The following CHCHD6 variants were observed in gnomAD, a reference collection of about 807,000 sequenced individuals.
CHCHD6 encodes coiled-coil-helix-coiled-coil-helix domain containing 6, also known as MICOS complex subunit MIC25.
Under a neutral mutation model 32.3 loss-of-function variants are expected in CHCHD6, and 28 were observed. That is an observed-to-expected ratio of 0.87 (90% CI 0.64 to 1.19). The LOEUF is 1.19. Among genes scored for constraint, CHCHD6 ranks in the 50% most tolerant of loss-of-function variants. The probability of loss-of-function intolerance (pLI) is 0.00; values close to 1 mark genes in which losing one functional copy is unlikely to be tolerated. For synonymous variants in CHCHD6, 122 were observed against 117.5 expected (o/e 1.04, Z -0.25); for missense variants, 333 against 307.0 (o/e 1.08, Z -0.63).
At position 126,879,566 on chromosome 3, in the gene CHCHD6, C is replaced by A. The variant is rs1042590285; in HGVS notation, c.495+26836C>A. 2.6e-5 allele frequency among the ~76,000 whole-genome samples: 4 copies of A among 152,042 alleles called. No individual in the cohort carries two copies. In the South Asian group the frequency reaches 8.3e-4, roughly 32 times the overall value. On this transcript the variant is annotated intron_variant, in intron 5 of 7. Transcript: ENST00000290913. ...CAAAAGTTATCAGTTTCACAAGAGG[C>A]CAGAGAAAGGCTGGGAATGCTTTAG...
chr3:126,778,404 G>A (rs1194396263), intron 4 of CHCHD6, among the ~76,000 whole-genome samples: 1 of 152,204 alleles, frequency 6.6e-6, no homozygotes, highest in South Asian at 2.1e-4. Flanking sequence ...ATGTGTGAGG[G>A]TTCCAGTTTC....
In CHCHD6 at chr3:126,704,351, C is replaced by T. The variant is rs1291970535; in HGVS notation, c.39C>T (p.Ser13=). 1.2e-5 allele frequency: 19 copies of T among 1,597,054 alleles called. No individual in the cohort carries two copies. The highest frequency in any genetic ancestry group is 1.6e-5 in the Non-Finnish European group (19 of 1,173,294). The change falls in exon 1 of 8, where the codon TCC becomes TCT. Residue 13 remains serine (S), a synonymous_variant. Coordinates refer to ENST00000290913, the MANE Select transcript of CHCHD6 (RefSeq NM_032343.3). The part of the protein sequence containing the change: ...STESSEGRRV[S]FGVDEEERVR... ...AGAGCAGCGAGGGCCGCAGGGTGTC[C>T]TTCGGAGTGGACGAGGAGGAGCGGG...
intron 5 of CHCHD6, among the ~76,000 whole-genome samples, chr3:126,862,716 CTCT>C (rs1319146067): frequency 1.3e-5 from 1 of 77,856 alleles, no homozygotes; most frequent in African/African-American, 5.4e-5. Flanking sequence ...CCTCCTCCTC[CTCT>C]ACCATCACCA....
At chr3:126,942,057 A>G (rs764373159) in intron 6 of CHCHD6, among the ~76,000 whole-genome samples, 2 of 152,156 alleles carry the variant, frequency 1.3e-5, no homozygotes, top group African/African-American at 2.4e-5. Flanking sequence ...CAGGGCTTTC[A>G]TCTGTAGGGA....
intron 4 of CHCHD6, among the ~76,000 whole-genome samples, chr3:126,851,930 C>T (rs1941489590): frequency 1.3e-5 from 2 of 152,234 alleles, no homozygotes; most frequent in African/African-American, 4.8e-5. Context: ...AACCTGACAT[C>T]TGCCAGCCTC....
At chr3:126,959,025 C>A (rs2078825407) in intron 7 of CHCHD6, among the ~76,000 whole-genome samples, 1 of 152,232 alleles carries the variant, frequency 6.6e-6, no homozygotes, top group African/African-American at 2.4e-5. Context: ...CAGTGGCCAG[C>A]CCTAGACTCC....
chr3:126,874,240 T>C (rs2077513075), intron 5 of CHCHD6, among the ~76,000 whole-genome samples: 1 of 152,238 alleles, frequency 6.6e-6, no homozygotes, highest in Non-Finnish European at 1.5e-5. Flanking sequence ...AAAAAGTGTT[T>C]CCTTACAGCT....
intron 4 of CHCHD6, among the ~76,000 whole-genome samples, chr3:126,791,463 G>A (rs921580640): frequency 1.3e-5 from 2 of 152,246 alleles, no homozygotes; most frequent in African/African-American, 4.8e-5. Flanking sequence ...AGCTGCAGTG[G>A]GCTCCACCCA....
chr3:126,924,686 G>A (rs759754649), intron 6 of CHCHD6, among the ~76,000 whole-genome samples: 3 of 152,238 alleles, frequency 2.0e-5, no homozygotes, highest in Admixed American at 6.5e-5. Flanking sequence ...TCCTTTCCTC[G>A]TGAACTTGAG....
intron 5 of CHCHD6, among the ~76,000 whole-genome samples, chr3:126,912,679 C>T (rs2078108258): frequency 6.6e-6 from 1 of 152,206 alleles, no homozygotes; most frequent in African/African-American, 2.4e-5. Flanking sequence ...CCGGCCCAGC[C>T]CAGGGCAGAA....
chr3:126,750,171 G>C (rs1936671027), intron 4 of CHCHD6, among the ~76,000 whole-genome samples: 1 of 152,182 alleles, frequency 6.6e-6, no homozygotes, highest in Non-Finnish European at 1.5e-5. Context: ...AGCAGTGGAG[G>C]GGTCCTCGAG....
chr3:126,749,739 G>A (rs542374663), intron 4 of CHCHD6, among the ~76,000 whole-genome samples: 1 of 152,182 alleles, frequency 6.6e-6, no homozygotes, highest in African/African-American at 2.4e-5. Flanking sequence ...GTGCATTCCC[G>A]TTTGGCTCTT....
At chr3:126,805,235 C>T (rs1283473117) in intron 4 of CHCHD6, among the ~76,000 whole-genome samples, 1 of 152,164 alleles carries the variant, frequency 6.6e-6, no homozygotes, top group Non-Finnish European at 1.5e-5. Flanking sequence ...AAAGGGTATT[C>T]AGTTAGGAAA....
At chr3:126,886,869 G>A (rs1255437937) in intron 5 of CHCHD6, among the ~76,000 whole-genome samples, 1 of 152,100 alleles carries the variant, frequency 6.6e-6, no homozygotes, top group African/African-American at 2.4e-5. Context: ...GTGGACTCTA[G>A]CAACACAGTG....
At chr3:126,733,588 G>A (rs1398013723) in intron 4 of CHCHD6, among the ~76,000 whole-genome samples, 1 of 152,206 alleles carries the variant, frequency 6.6e-6, no homozygotes, top group Non-Finnish European at 1.5e-5. Context: ...TAGAGGCCTG[G>A]AGCCATGTAA....
intron 4 of CHCHD6, among the ~76,000 whole-genome samples, chr3:126,815,797 A>C (rs1939871589): frequency 6.6e-6 from 1 of 152,084 alleles, no homozygotes; most frequent in African/African-American, 2.4e-5. Context: ...TCAAGTCCCC[A>C]AGTCTGACCT....
At chr3:126,908,031 G>A (rs1373289663) in intron 5 of CHCHD6, among the ~76,000 whole-genome samples, 2 of 152,152 alleles carry the variant, frequency 1.3e-5, no homozygotes, top group Non-Finnish European at 2.9e-5. Context: ...CAAAGGGGCG[G>A]TAATTCTTAC....
chr3:126,805,880 C>T (rs1265677769), intron 4 of CHCHD6, among the ~76,000 whole-genome samples: 3 of 152,102 alleles, frequency 2.0e-5, no homozygotes, highest in South Asian at 2.1e-4. Flanking sequence ...CAGAACAGAG[C>T]CCTCAGAAAT....
chr3:126,740,347 A>C (rs994186558), intron 4 of CHCHD6, among the ~76,000 whole-genome samples: 10 of 152,162 alleles, frequency 6.6e-5, no homozygotes, highest in African/African-American at 2.2e-4. Flanking sequence ...GGCCCTGTGC[A>C]CTGGTGCCTT....
Sources: allele counts gnomAD v4.1 joint callset (sites outside exome capture counted in the v4.1 genomes callset), GRCh38; gene constraint gnomAD v4.1.1; transcripts MANE v1.5; gene names NCBI Gene and HGNC (gene_info 2026-07-23, HGNC 2026-07-21).